The following PTPRT variants were observed in gnomAD, a reference collection of about 807,000 sequenced individuals.
The protein encoded by PTPRT is receptor-type tyrosine-protein phosphatase T.
PTPRT carries 56 observed loss-of-function variants against 176.8 expected under a neutral mutation model. The observed-to-expected ratio is 0.32, with a 90% CI of 0.26 to 0.40. PTPRT has a LOEUF of 0.40. Among genes scored for constraint, PTPRT ranks in the 10% least tolerant of loss-of-function variants. PTPRT has a pLI of 1.00. For synonymous variants in PTPRT, 783 were observed against 739.0 expected (o/e 1.06, Z -0.96); for missense variants, 1,540 against 1,908.2 (o/e 0.81, Z 3.60).
intron 23 of PTPRT, among the ~76,000 whole-genome samples, chr20:42,108,576 T>TATTACTA (rs1986707612): frequency 6.6e-6 from 1 of 152,236 alleles, no homozygotes; most frequent in Non-Finnish European, 1.5e-5. Context: ...ATTGAGAAAT[T>TATTACTA]ATTACTATTA....
At chr20:42,506,021 T>G (rs1601149634) in intron 7 of PTPRT, among the ~76,000 whole-genome samples, 1 of 152,244 alleles carries the variant, frequency 6.6e-6, no homozygotes, top group South Asian at 2.1e-4. Context: ...AAAGTCACTT[T>G]CAGGCAGAAA....
At chr20:42,397,176 A>G (rs8123237) in intron 9 of PTPRT, among the ~76,000 whole-genome samples, 1 of 152,238 alleles carries the variant, frequency 6.6e-6, no homozygotes, top group South Asian at 2.1e-4. Flanking sequence ...TACGATGCGT[A>G]TTCATGTGTT....
downstream of PTPRT, among the ~76,000 whole-genome samples, chr20:42,068,804 T>A (rs1161593547): frequency 6.6e-6 from 1 of 152,180 alleles, no homozygotes; most frequent in African/African-American, 2.4e-5. Context: ...GACTACATAT[T>A]TGTAGGGATT....
chr20:42,728,558 T>G (rs2076413601), intron 6 of PTPRT, among the ~76,000 whole-genome samples: 3 of 152,216 alleles, frequency 2.0e-5, no homozygotes. Flanking sequence ...CAGTTACCTC[T>G]AGTTCATTCC....
chr20:42,719,932 G>A (rs2076280683), intron 6 of PTPRT, among the ~76,000 whole-genome samples: 1 of 152,212 alleles, frequency 6.6e-6, no homozygotes, highest in African/African-American at 2.4e-5. Flanking sequence ...AGCAACGAAA[G>A]GGGTCATTCC....
At chr20:42,521,516 A>G (rs2145498499) in intron 7 of PTPRT, among the ~76,000 whole-genome samples, 1 of 152,272 alleles carries the variant, frequency 6.6e-6, no homozygotes, top group Admixed American at 6.5e-5. Flanking sequence ...GGTGTGCTGA[A>G]TTTATGTTGT....
chr20:43,038,465 C>T (rs926667351), intron 1 of PTPRT, among the ~76,000 whole-genome samples: 7 of 152,040 alleles, frequency 4.6e-5, no homozygotes, highest in East Asian at 1.9e-4. Flanking sequence ...AAATAGCATG[C>T]GAGTTCCTCA....
chr20:42,702,457 T>A (rs2075987885), intron 6 of PTPRT, among the ~76,000 whole-genome samples: 1 of 152,186 alleles, frequency 6.6e-6, no homozygotes, highest in Non-Finnish European at 1.5e-5. Context: ...GTCATTTGAA[T>A]GTTTCCAGTC....
intron 11 of PTPRT, among the ~76,000 whole-genome samples, chr20:42,317,923 C>A (rs1352912381): frequency 6.6e-6 from 1 of 152,172 alleles, no homozygotes; most frequent in Admixed American, 6.5e-5. Flanking sequence ...ATGTGAGTGA[C>A]ATGCGAGTGG....
chr20:42,082,072 A>AT, intron 29 of PTPRT, 55 bp from the exon 30 acceptor site: 1 of 1,610,976 alleles, frequency 6.2e-7, no homozygotes, highest in Non-Finnish European at 8.5e-7. Flanking sequence ...CAGGCACCTG[A>AT]TGATTCTAAA....
At chr20:42,694,200 G>A (rs141265688) in intron 6 of PTPRT, among the ~76,000 whole-genome samples, 11,663 of 151,730 alleles carry the variant, frequency 0.077, 494 homozygotes, top group South Asian at 0.16. Flanking sequence ...CACCATGCCC[G>A]GCTAATTTTT....
chr20:42,362,909 C>T (rs751828598), intron 9 of PTPRT, among the ~76,000 whole-genome samples: 3 of 151,672 alleles, frequency 2.0e-5, no homozygotes, highest in Non-Finnish European at 4.4e-5. Flanking sequence ...AGTTCGAGAC[C>T]AGCCTGGTCA....
intron 12 of PTPRT, among the ~76,000 whole-genome samples, chr20:42,294,664 A>C (rs570987539): frequency 6.6e-6 from 1 of 152,160 alleles, no homozygotes; most frequent in South Asian, 2.1e-4. Flanking sequence ...AACACCACAA[A>C]TGATGAAAAT....
At chr20:42,431,483 A>T (rs1387211848) in intron 9 of PTPRT, among the ~76,000 whole-genome samples, 6 of 152,246 alleles carry the variant, frequency 3.9e-5, no homozygotes, top group Non-Finnish European at 2.9e-5. Context: ...GATTGTGATT[A>T]AACAGTTAAT....
chr20:42,363,298 ATATTTTTT>A (rs1478723719), intron 9 of PTPRT, among the ~76,000 whole-genome samples: 2 of 22,280 alleles, frequency 9.0e-5, no homozygotes, highest in African/African-American at 2.2e-4. Flanking sequence ...ATATATATAT[ATATTTTTT>A]TTTTTTTTTT....
intron 2 of PTPRT, among the ~76,000 whole-genome samples, chr20:42,798,852 T>C (rs931444407): frequency 6.6e-6 from 1 of 151,964 alleles, no homozygotes; most frequent in Non-Finnish European, 1.5e-5. Context: ...CGTTTAAATA[T>C]GGTATTAACC....
intron 9 of PTPRT, among the ~76,000 whole-genome samples, chr20:42,354,710 A>C (rs2058334119): frequency 6.6e-6 from 1 of 152,208 alleles, no homozygotes; most frequent in African/African-American, 2.4e-5. Flanking sequence ...TCCATCAAGA[A>C]TGGCCAAACC....
chr20:42,350,925 A>G (rs2058274469), intron 10 of PTPRT, among the ~76,000 whole-genome samples, 195 bp from the exon 11 acceptor site: 1 of 152,210 alleles, frequency 6.6e-6, no homozygotes, highest in African/African-American at 2.4e-5. Flanking sequence ...GGTTTCTTCA[A>G]GGTGCAGTAG....
chr20:42,190,164 G>C (rs1365756759), intron 16 of PTPRT, among the ~76,000 whole-genome samples: 1 of 152,132 alleles, frequency 6.6e-6, no homozygotes, highest in Non-Finnish European at 1.5e-5. Flanking sequence ...TTTAATCTTG[G>C]AGCAACCTGA....
Sources: allele counts gnomAD v4.1 joint callset (sites outside exome capture counted in the v4.1 genomes callset), GRCh38; gene constraint gnomAD v4.1.1; transcripts MANE v1.5; gene names NCBI Gene and HGNC (gene_info 2026-07-23, HGNC 2026-07-21).